The following SPRED1 variants were observed in gnomAD, a reference collection of about 807,000 sequenced individuals.
The protein encoded by SPRED1 is sprouty-related, EVH1 domain-containing protein 1.
Under a neutral mutation model 52.3 loss-of-function variants are expected in SPRED1, and 18 were observed. That is an observed-to-expected ratio of 0.34 (90% CI 0.24 to 0.51). The LOEUF is 0.51. Among genes scored for constraint, SPRED1 ranks in the 20% least tolerant of loss-of-function variants. The probability of loss-of-function intolerance (pLI) is 0.97; values close to 1 mark genes in which losing one functional copy is unlikely to be tolerated. For missense variants in SPRED1, 485 were observed against 551.0 expected (o/e 0.88, Z 1.20); for synonymous variants, 155 against 179.7 (o/e 0.86, Z 1.10).
intron 1 of SPRED1, among the ~76,000 whole-genome samples, chr15:38,270,003 G>A (rs1348906978): frequency 6.7e-6 from 1 of 149,340 alleles, no homozygotes; most frequent in Non-Finnish European, 1.5e-5. Context: ...TGCCTCCCAG[G>A]TTCAAGTGAT....
At chr15:38,263,827 CA>C (rs533468172) in intron 1 of SPRED1, among the ~76,000 whole-genome samples, 1 of 151,836 alleles carries the variant, frequency 6.6e-6, no homozygotes, top group Non-Finnish European at 1.5e-5. Flanking sequence ...AAACGAATCA[CA>C]AAAAAAATCT....
intron 5 of SPRED1, among the ~76,000 whole-genome samples, chr15:38,343,610 A>G (rs1896073396): frequency 6.6e-6 from 1 of 152,086 alleles, no homozygotes; most frequent in South Asian, 2.1e-4. Context: ...AGAACAAAAA[A>G]ACTTCTAGAT....
chr15:38,295,695 G>T (rs1431610515), intron 1 of SPRED1, among the ~76,000 whole-genome samples: 1 of 152,088 alleles, frequency 6.6e-6, no homozygotes, highest in Non-Finnish European at 1.5e-5. Flanking sequence ...AGGGATAGGG[G>T]ATAGATAGAA....
At chr15:38,288,813 G>A (rs985455699) in intron 1 of SPRED1, among the ~76,000 whole-genome samples, 2 of 151,686 alleles carry the variant, frequency 1.3e-5, no homozygotes, top group African/African-American at 4.8e-5. Context: ...CTTTTCTTTA[G>A]TACTCAATAT....
At chr15:38,334,296 A>G (rs141247855) in intron 4 of SPRED1, among the ~76,000 whole-genome samples, 1 of 152,190 alleles carries the variant, frequency 6.6e-6, no homozygotes, top group East Asian at 1.9e-4. Flanking sequence ...GATAGGGTTT[A>G]TCTGCTGAGG....
At chr15:38,344,291 AAC>A (rs766086857) in intron 5 of SPRED1, among the ~76,000 whole-genome samples, 2 of 152,202 alleles carry the variant, frequency 1.3e-5, no homozygotes, top group Non-Finnish European at 1.5e-5. Context: ...CGGTGAATGT[AAC>A]ACAGGGATGT....
At chr15:38,257,902 A>C (rs748173978) in intron 1 of SPRED1, among the ~76,000 whole-genome samples, 26 of 152,360 alleles carry the variant, frequency 1.7e-4, no homozygotes, top group Non-Finnish European at 2.9e-4. Flanking sequence ...GTAACAATTT[A>C]GCCTTTTCTC....
In SPRED1 at chr15:38,355,319, A is replaced by G. The variant is rs1888593851; in HGVS notation, c.*3655A>G. 6.6e-6 allele frequency: 1 copy of G among 152,258 alleles called. No homozygotes were observed. 9.4% of individuals were successfully genotyped at this position (152,258 alleles called of 1,614,324 possible). ...AATCTAAAGGGAAAAACTTGAAACT[A>G]CCTATTTTCATTGGTTATTCAGCAG... On this transcript the variant is annotated 3_prime_UTR_variant, in exon 7 of 7. Transcript: ENST00000299084.
At chr15:38,280,765 A>G (rs1420478189) in intron 1 of SPRED1, among the ~76,000 whole-genome samples, 2 of 152,242 alleles carry the variant, frequency 1.3e-5, no homozygotes, top group Non-Finnish European at 2.9e-5. Flanking sequence ...AACATCTCTT[A>G]TAACTTAAAA....
chr15:38,312,606 A>G (rs968904990), intron 2 of SPRED1, among the ~76,000 whole-genome samples: 4 of 152,048 alleles, frequency 2.6e-5, no homozygotes, highest in African/African-American at 9.7e-5. Flanking sequence ...GAATCCCAGT[A>G]TATCTCACCT....
chr15:38,351,811 G>T lies in SPRED1; in HGVS notation c.*147G>T, dbSNP rs1339306544. On this transcript the variant is annotated 3_prime_UTR_variant, in exon 7 of 7. Transcript: ENST00000299084. ...AGGAAGCAGAACTCATCAGTTCTTG[G>T]CGTTTCACGCCATGCCTAACTTTTC... 3.0e-6 allele frequency: 3 copies of T among 995,380 alleles called. No individual in the cohort carries two copies. The highest frequency in any genetic ancestry group is 6.2e-4 in the Middle Eastern group (2 of 3,206). The allele number at this position is 995,380 out of a possible 1,614,324, so 61.7% of individuals were successfully genotyped here.
At position 38,273,520 on chromosome 15, in the gene SPRED1, AATATATATATATATATATATATAT is replaced by A. The variant is rs58636340; in HGVS notation, c.32+20318_32+20341del. Among the ~76,000 whole-genome samples, 223 of 142,976 alleles carry A rather than the reference AATATATATATATATATATATATAT, an allele frequency of 1.6e-3. 1 individual carries two copies. Among genetic ancestry groups the A allele is most frequent in the Non-Finnish European group, 2.7e-3 (175 of 65,996 alleles). 93.8% of individuals were successfully genotyped at this position (142,976 alleles called of 152,430 possible). A position where few individuals can be genotyped will look rare whatever the true frequency, so the allele number is the denominator to read the frequency against. On this transcript the variant is annotated intron_variant, in intron 1 of 6. Coordinates refer to ENST00000299084, the MANE Select transcript of SPRED1 (RefSeq NM_152594.3). ...TTAATTTTTATTTTTATGTATTATT[AATATATATATATATATATATATAT>A]ATATATATATATATGAATAATAGTT...
At chr15:38,265,006 A>G (rs1452812047) in intron 1 of SPRED1, among the ~76,000 whole-genome samples, 1 of 152,200 alleles carries the variant, frequency 6.6e-6, no homozygotes, top group Non-Finnish European at 1.5e-5. Context: ...GCAGGGTTTT[A>G]TCCAATACAT....
intron 3 of SPRED1, 29 bp from the exon 4 acceptor site, chr15:38,324,734 A>G (rs367973545): frequency 5.8e-6 from 9 of 1,561,606 alleles, no homozygotes; most frequent in Non-Finnish European, 7.8e-6. Context: ...AAAATTCTAT[A>G]CTTAATTAAC....
Position 38,252,845 on chromosome 15 carries a change from C to A in SPRED1, c.-341C>A. 1 of 394,818 alleles carries A rather than the reference C, an allele frequency of 2.5e-6. No individual in the cohort carries two copies. The highest frequency in any genetic ancestry group is 4.7e-6 in the Non-Finnish European group (1 of 211,774). 24.5% of individuals were successfully genotyped at this position (394,818 alleles called of 1,614,324 possible). On this transcript the variant is annotated 5_prime_UTR_variant, in exon 1 of 7. Transcript: ENST00000299084. ...TTCCTGGCCGGACCCCGCTGCGCTC[C>A]ACCCCAGTGGCTGGAGGAGCAGCTC...
intron 1 of SPRED1, among the ~76,000 whole-genome samples, chr15:38,280,145 G>A (rs1334335785): frequency 3.3e-5 from 5 of 152,114 alleles, no homozygotes; most frequent in African/African-American, 1.2e-4. Context: ...ATTTGTTTGG[G>A]AAGTCATCTT....
At chr15:38,271,531 A>G (rs1361420989) in intron 1 of SPRED1, among the ~76,000 whole-genome samples, 3 of 152,218 alleles carry the variant, frequency 2.0e-5, no homozygotes, top group Non-Finnish European at 4.4e-5. Context: ...AGAAACTAAC[A>G]TTTTTGAAGC....
At chr15:38,346,539 C>G (rs1294841129) in intron 5 of SPRED1, among the ~76,000 whole-genome samples, 1 of 152,132 alleles carries the variant, frequency 6.6e-6, no homozygotes, top group African/African-American at 2.4e-5. Flanking sequence ...AAAAGGAACA[C>G]CCCCAATCTA....
At chr15:38,289,280 A>C (rs1894871457) in intron 1 of SPRED1, among the ~76,000 whole-genome samples, 1 of 151,916 alleles carries the variant, frequency 6.6e-6, no homozygotes, top group Admixed American at 6.6e-5. Context: ...TCTGAATAAA[A>C]TTACTTTTTC....
Sources: allele counts gnomAD v4.1 joint callset (sites outside exome capture counted in the v4.1 genomes callset), GRCh38; gene constraint gnomAD v4.1.1; transcripts MANE v1.5; gene names NCBI Gene and HGNC (gene_info 2026-07-23, HGNC 2026-07-21).